Variants in ACBD6 observed in about 807,000 individuals in gnomAD.
ACBD6 encodes acyl-CoA-binding domain-containing protein 6.
A neutral mutation model predicts 37.2 loss-of-function variants in ACBD6; 28 were observed. The observed-to-expected ratio is 0.75, with a 90% CI of 0.56 to 1.03. ACBD6 has a LOEUF of 1.03. Among genes scored for constraint, ACBD6 ranks in the 50% least tolerant of loss-of-function variants. The probability of loss-of-function intolerance (pLI) is 0.00; values close to 1 mark genes in which losing one functional copy is unlikely to be tolerated. For synonymous variants in ACBD6, 113 were observed against 126.8 expected (o/e 0.89, Z 0.73); for missense variants, 340 against 337.4 (o/e 1.01, Z -0.06).
exon 10 of ACBD6, chr1:180,274,788 G>T: frequency 1.7e-6 from 1 of 591,484 alleles, no homozygotes; most frequent in South Asian, 2.3e-5. Context: ...ACTCATCTCA[G>T]AACACAGCAC....
intron 3 of ACBD6, among the ~76,000 whole-genome samples, chr1:180,443,651 C>T (rs757339444): frequency 5.9e-5 from 9 of 152,008 alleles, no homozygotes; most frequent in Admixed American, 2.0e-4. Context: ...CTCACTCTGT[C>T]GCCCAGGCTG....
At chr1:180,292,170 C>T (rs74132445) in intron 7 of ACBD6, among the ~76,000 whole-genome samples, 6,604 of 152,088 alleles carry the variant, frequency 0.043, 454 homozygotes, top group African/African-American at 0.14. Context: ...TTTGCTTTTC[C>T]ATATAAATTT....
chr1:180,448,032 C>T (rs1054075937), intron 3 of ACBD6, among the ~76,000 whole-genome samples: 6 of 152,140 alleles, frequency 3.9e-5, no homozygotes, highest in African/African-American at 1.4e-4. Flanking sequence ...AAATGCTTAA[C>T]ATCCCTTAAT....
intron 3 of ACBD6, among the ~76,000 whole-genome samples, chr1:180,466,138 C>A (rs777273532): frequency 1.3e-5 from 2 of 151,802 alleles, no homozygotes; most frequent in Admixed American, 6.6e-5. Flanking sequence ...TACCCATAAA[C>A]CTAAAATAAA....
intron 7 of ACBD6, among the ~76,000 whole-genome samples, chr1:180,290,738 G>A (rs893585290): frequency 6.6e-6 from 1 of 152,198 alleles, no homozygotes; most frequent in African/African-American, 2.4e-5. Flanking sequence ...GAAAGGCATT[G>A]CAGAATGCGA....
intron 7 of ACBD6, among the ~76,000 whole-genome samples, chr1:180,296,222 A>G (rs1649911423): frequency 6.6e-6 from 1 of 152,212 alleles, no homozygotes; most frequent in Admixed American, 6.5e-5. Flanking sequence ...CTTTCATTCT[A>G]CGAAGACTGA....
At position 180,385,618 on chromosome 1, in the gene ACBD6, T is replaced by C. The variant is rs184082929; in HGVS notation, c.663+11898A>G. On this transcript the variant is annotated intron_variant, in intron 6 of 7. Coordinates refer to ENST00000367595, the MANE Select transcript of ACBD6 (RefSeq NM_032360.4). ...CTTAACGTGATAGGGCTGGTTCCCTTACAAGAAGAGAGAGAGACACTAGAG... is the reference window on the plus strand; with the variant it reads ...CTTAACGTGATAGGGCTGGTTCCCTCACAAGAAGAGAGAGAGACACTAGAG... Among the ~76,000 whole-genome samples the C allele has an allele frequency of 2.6e-4, 40 of 151,874 alleles. No individual in the cohort carries two copies. In the East Asian group the frequency reaches 6.8e-3, roughly 26 times the overall value.
chr1:180,298,562 T>C (rs1650007197), intron 7 of ACBD6, among the ~76,000 whole-genome samples: 1 of 152,140 alleles, frequency 6.6e-6, no homozygotes. Context: ...CCAACCCAGG[T>C]ATGGAGCTTA....
intron 6 of ACBD6, among the ~76,000 whole-genome samples, chr1:180,339,500 G>C (rs1651889390): frequency 6.7e-6 from 1 of 149,468 alleles, no homozygotes; most frequent in Admixed American, 6.8e-5. Context: ...TTGGACACAG[G>C]AAGGGGAACA....
At chr1:180,464,198 G>C (rs1650262170) in intron 3 of ACBD6, among the ~76,000 whole-genome samples, 1 of 152,026 alleles carries the variant, frequency 6.6e-6, no homozygotes, top group African/African-American at 2.4e-5. Flanking sequence ...AGAGCAATCA[G>C]GCAAGAAAAA....
rs1170899812 is a variant in ACBD6, at chr1:180,389,450, T to C, written c.663+8066A>G. Among the ~76,000 whole-genome samples the C allele has an allele frequency of 9.2e-5, 14 of 152,330 alleles. No homozygotes were observed. In the East Asian group the frequency reaches 9.6e-4, roughly 10 times the overall value. Reference sequence around the variant, plus strand: ...AAGTCTTTGCTATTGTGAATAGTGCTGCAATAAACATACGTGTGCATGTGT... The same window carrying C: ...AAGTCTTTGCTATTGTGAATAGTGCCGCAATAAACATACGTGTGCATGTGT... On this transcript the variant is annotated intron_variant, in intron 6 of 7. Transcript: ENST00000367595.
At chr1:180,416,715 T>C (rs1648109874) in intron 4 of ACBD6, among the ~76,000 whole-genome samples, 1 of 152,170 alleles carries the variant, frequency 6.6e-6, no homozygotes, top group Admixed American at 6.5e-5. Context: ...CAGAGCACAC[T>C]CTATGGGAAA....
chr1:180,492,238 G>A (rs1355781766), intron 3 of ACBD6, 31 bp downstream of exon 3: 2 of 1,526,294 alleles, frequency 1.3e-6, no homozygotes, highest in Non-Finnish European at 1.8e-6. Context: ...TAAGTTTTTG[G>A]AAAGTATTAT....
intron 3 of ACBD6, among the ~76,000 whole-genome samples, chr1:180,475,968 T>C (rs1465515800): frequency 6.6e-6 from 1 of 152,200 alleles, no homozygotes; most frequent in Non-Finnish European, 1.5e-5. Flanking sequence ...TTATTGAATA[T>C]ATTAAAATTC....
At chr1:180,396,148 G>C (rs1253861818) in intron 6 of ACBD6, among the ~76,000 whole-genome samples, 2 of 152,142 alleles carry the variant, frequency 1.3e-5, no homozygotes, top group Non-Finnish European at 2.9e-5. Flanking sequence ...TGAGGGAATG[G>C]AGGAATGGGA....
intron 3 of ACBD6, among the ~76,000 whole-genome samples, chr1:180,453,791 T>C (rs1649805107): frequency 6.6e-6 from 1 of 152,096 alleles, no homozygotes; most frequent in Admixed American, 6.5e-5. Context: ...TGAAATTCCA[T>C]TCAAAACTGC....
At chr1:180,419,770 G>A (rs1648277073) in intron 4 of ACBD6, among the ~76,000 whole-genome samples, 1 of 152,192 alleles carries the variant, frequency 6.6e-6, no homozygotes, top group Non-Finnish European at 1.5e-5. Flanking sequence ...TTAAGTGGAA[G>A]TGGATCATCA....
At chr1:180,306,866 C>T (rs193126020) in intron 7 of ACBD6, among the ~76,000 whole-genome samples, 2 of 152,122 alleles carry the variant, frequency 1.3e-5, no homozygotes, top group African/African-American at 4.8e-5. Context: ...CAAATGCTGG[C>T]GAGGATGTGG....
chr1:180,430,694 T>A (rs1648776919), intron 3 of ACBD6, among the ~76,000 whole-genome samples: 4 of 124,470 alleles, frequency 3.2e-5, no homozygotes, highest in African/African-American at 7.4e-5. Flanking sequence ...ATAAAGAAAA[T>A]GTTTTTGGGT....
Sources: gnomAD v4.1 joint callset for allele counts (sites outside exome capture counted in the v4.1 genomes callset) on GRCh38, gnomAD v4.1.1 for gene constraint, MANE v1.5 for transcripts, NCBI Gene and HGNC (gene_info 2026-07-23, HGNC 2026-07-21) for gene names.